PRKCQ: variants seen among roughly 807,000 people sequenced by gnomAD.
The protein encoded by PRKCQ is protein kinase C theta type.
A neutral mutation model predicts 91.2 loss-of-function variants in PRKCQ; 41 were observed. The ratio of observed to expected loss-of-function variants is 0.45; its 90% CI spans 0.35 to 0.58. PRKCQ has a LOEUF of 0.58. PRKCQ is among the 20% of genes least tolerant of loss of function. PRKCQ has a pLI of 0.00. For synonymous variants in PRKCQ, 307 were observed against 316.9 expected (o/e 0.97, Z 0.33); for missense variants, 673 against 896.5 (o/e 0.75, Z 3.18).
chr10:6,416,021 A>ACAGGCATGAG, the PRKCQ span, among the ~76,000 whole-genome samples: 2 of 152,118 alleles, frequency 1.3e-5, no homozygotes, highest in African/African-American at 4.8e-5. Flanking sequence ...TGCTGGGATT[A>ACAGGCATGAG]CAGGCATGAG....
intron 15 of PRKCQ, among the ~76,000 whole-genome samples, chr10:6,446,879 C>T (rs539136439): frequency 2.4e-4 from 36 of 152,334 alleles, no homozygotes; most frequent in Non-Finnish European, 3.8e-4. Context: ...CACCGAACGA[C>T]GCCAGAGCAA....
At chr10:6,553,505 A>AT (rs1398088101) in intron 1 of PRKCQ, among the ~76,000 whole-genome samples, 11,735 of 134,110 alleles carry the variant, frequency 0.088, 790 homozygotes, top group African/African-American at 0.12. Context: ...AAAAAAAAAA[A>AT]AAAAAAAAAA....
chr10:6,503,373 G>A (rs113394401), intron 4 of PRKCQ, among the ~76,000 whole-genome samples: 5,831 of 152,266 alleles, frequency 0.038, 122 homozygotes, highest in African/African-American at 0.049. Flanking sequence ...ACAGGAAGGT[G>A]TGAAATAGAA....
At chr10:6,466,109 A>C (rs1835636964) in intron 12 of PRKCQ, among the ~76,000 whole-genome samples, 1 of 152,266 alleles carries the variant, frequency 6.6e-6, no homozygotes, top group Non-Finnish European at 1.5e-5. Flanking sequence ...ACGAGAGCAA[A>C]GCGTATGAAA....
Position 6,483,366 on chromosome 10 carries a change from A to C in PRKCQ, c.1179+74T>G. Reference sequence around the variant, plus strand: ...GCAATCCTAGTGGCCCTATGAGTTTAATTTCTTTGACCAGGAACTTGGCTC... The same window carrying C: ...GCAATCCTAGTGGCCCTATGAGTTTCATTTCTTTGACCAGGAACTTGGCTC... On this transcript the variant is annotated intron_variant, in intron 11 of 17. Transcript: ENST00000263125. 3 of 1,580,376 alleles carry C rather than the reference A, an allele frequency of 1.9e-6. No individual in the cohort carries two copies. The South Asian group carries it at 3.4e-5, about 18-fold the overall frequency.
At chr10:6,409,448 CTG>C in the PRKCQ span, among the ~76,000 whole-genome samples, 3 of 152,294 alleles carry the variant, frequency 2.0e-5, no homozygotes, top group Admixed American at 2.0e-4. Context: ...ACATGCACCA[CTG>C]TGCCTGGCTA....
chr10:6,430,684 G>T lies in PRKCQ; in HGVS notation c.1965+126C>A. On this transcript the variant is annotated intron_variant, in intron 17 of 17. Transcript: ENST00000263125. The surrounding 1 kb of genome is among the most constrained non-coding windows in gnomAD (Gnocchi z 4.7). The stretch of plus-strand genomic sequence containing the variant: ...GTGTTAGAGACGTGCATTCCTCCTG[G>T]AGAGTGGGGCTGGTGGGGAGTTGGG... The T allele has an allele frequency of 7.3e-7, 1 of 1,369,298 alleles. No homozygotes were observed. The highest frequency in any genetic ancestry group is 1.0e-6 in the Non-Finnish European group (1 of 998,128). The allele number at this position is 1,369,298 out of a possible 1,614,324, so 84.8% of individuals were successfully genotyped here. A position where few individuals can be genotyped will look rare whatever the true frequency, so the allele number is the denominator to read the frequency against.
At chr10:6,458,701 C>T (rs1477359827) in intron 14 of PRKCQ, among the ~76,000 whole-genome samples, 1 of 152,154 alleles carries the variant, frequency 6.6e-6, no homozygotes, top group Non-Finnish European at 1.5e-5. Flanking sequence ...GGAACAGGGA[C>T]CATGACACTT....
At chr10:6,487,551 G>A (rs1422944587) in intron 8 of PRKCQ, among the ~76,000 whole-genome samples, 2 of 152,178 alleles carry the variant, frequency 1.3e-5, no homozygotes, top group Non-Finnish European at 2.9e-5. Flanking sequence ...TTCAGGGTGA[G>A]TATTCTGATT....
chr10:6,559,418 T>C (rs566637080), intron 1 of PRKCQ, among the ~76,000 whole-genome samples: 1 of 152,290 alleles, frequency 6.6e-6, no homozygotes, highest in East Asian at 1.9e-4. Context: ...TGGAGTGCAG[T>C]GGCAGTTTCG....
At chr10:6,517,993 T>A (rs895005712) in intron 1 of PRKCQ, among the ~76,000 whole-genome samples, 2 of 152,198 alleles carry the variant, frequency 1.3e-5, no homozygotes, top group Non-Finnish European at 2.9e-5. Flanking sequence ...GCATGTACCA[T>A]TCCTGAAAAG....
Position 6,428,020 on chromosome 10 carries a change from C to A in PRKCQ, c.*187G>T. ...ACATGTCAGGAGACGAGACACACGG[C>A]ATCGTCATTAGTGAAGTAGACTTGG... On this transcript the variant is annotated 3_prime_UTR_variant, in exon 18 of 18. Transcript: ENST00000263125. 1.5e-6 allele frequency: 1 copy of A among 659,774 alleles called. No individual in the cohort carries two copies. The highest frequency in any genetic ancestry group is 2.5e-6 in the Non-Finnish European group (1 of 392,476). 40.9% of individuals were successfully genotyped at this position (659,774 alleles called of 1,614,324 possible). A position where few individuals can be genotyped will look rare whatever the true frequency, so the allele number is the denominator to read the frequency against.
intron 12 of PRKCQ, among the ~76,000 whole-genome samples, chr10:6,476,470 GT>G (rs1836276677): frequency 6.6e-6 from 1 of 152,210 alleles, no homozygotes; most frequent in Non-Finnish European, 1.5e-5. Flanking sequence ...ACAACTGTTA[GT>G]TTTTCATTAT....
chr10:6,452,405 G>A (rs1203473427), intron 15 of PRKCQ, among the ~76,000 whole-genome samples: 1 of 152,014 alleles, frequency 6.6e-6, no homozygotes, highest in African/African-American at 2.4e-5. Context: ...ACAAACCACT[G>A]CTCAATGATA....
At chr10:6,456,207 A>G (rs1386894132) in intron 15 of PRKCQ, among the ~76,000 whole-genome samples, 2 of 152,240 alleles carry the variant, frequency 1.3e-5, no homozygotes, top group Non-Finnish European at 2.9e-5. Context: ...TAATGCTCAC[A>G]ATAACACAAT....
At chr10:6,459,782 C>A (rs1311296617) in intron 14 of PRKCQ, among the ~76,000 whole-genome samples, 1 of 152,194 alleles carries the variant, frequency 6.6e-6, no homozygotes, top group Non-Finnish European at 1.5e-5. Context: ...TTGGTGGGGG[C>A]ATGGCCCTGC....
At chr10:6,462,212 G>A in intron 14 of PRKCQ, 91 bp downstream of exon 14, 3 of 1,167,124 alleles carry the variant, frequency 2.6e-6, no homozygotes, top group Non-Finnish European at 3.8e-6. Context: ...GAAATCACAT[G>A]GGCTGTCTCA....
At chr10:6,571,650 A>T (rs1456582601) in intron 1 of PRKCQ, among the ~76,000 whole-genome samples, 1 of 152,158 alleles carries the variant, frequency 6.6e-6, no homozygotes, top group Non-Finnish European at 1.5e-5. Context: ...TACTAAAAAC[A>T]TAAAAATTAA....
chr10:6,450,114 C>T (rs1188489971), intron 15 of PRKCQ, among the ~76,000 whole-genome samples: 2 of 148,914 alleles, frequency 1.3e-5, no homozygotes, highest in African/African-American at 5.0e-5. Context: ...GGACTAAATG[C>T]TCCAATTAAA....
Sources: gnomAD v4.1 joint callset for allele counts (sites outside exome capture counted in the v4.1 genomes callset) on GRCh38, gnomAD v4.1.1 for gene constraint, Gnocchi (gnomAD v3.1) non-coding constraint, MANE v1.5 for transcripts, NCBI Gene and HGNC (gene_info 2026-07-23, HGNC 2026-07-21) for gene names.